KCND2: variants seen among roughly 807,000 people sequenced by gnomAD.
KCND2 encodes the protein A-type voltage-gated potassium channel KCND2.
In KCND2, 16 loss-of-function variants were observed where a neutral mutation model predicts 54.4. That is an observed-to-expected ratio of 0.29 (90% CI 0.20 to 0.45). The LOEUF (loss-of-function observed/expected upper bound fraction) is 0.45, where lower values mean the gene tolerates loss of function less well. Ranked by LOEUF, KCND2 falls within the 20% of genes least tolerant of loss-of-function variation. The pLI, the probability that KCND2 is intolerant of heterozygous loss-of-function variation, is 1.00. For synonymous variants in KCND2, 317 were observed against 310.7 expected (o/e 1.02, Z -0.21); for missense variants, 486 against 824.2 (o/e 0.59, Z 5.02).
intron 1 of KCND2, among the ~76,000 whole-genome samples, chr7:120,455,643 T>G (rs564717156): frequency 3.3e-5 from 5 of 152,320 alleles, no homozygotes; most frequent in Non-Finnish European, 7.4e-5. Context: ...CATGAAATAC[T>G]ACACAGACAT....
At chr7:120,334,046 T>C (rs181204333) in intron 1 of KCND2, among the ~76,000 whole-genome samples, 66 of 152,330 alleles carry the variant, frequency 4.3e-4, no homozygotes, top group African/African-American at 8.4e-4. Context: ...CTTGAGGTAA[T>C]ACCTTTGTTT....
intron 1 of KCND2, among the ~76,000 whole-genome samples, chr7:120,304,099 G>A (rs963450806): frequency 6.6e-6 from 1 of 152,094 alleles, no homozygotes; most frequent in African/African-American, 2.4e-5. Context: ...CTGTTAGTAT[G>A]GTAGGATAAG....
intron 1 of KCND2, among the ~76,000 whole-genome samples, chr7:120,594,359 C>T (rs1792707963): frequency 6.6e-6 from 1 of 151,418 alleles, no homozygotes; most frequent in Non-Finnish European, 1.5e-5. Context: ...GTGGCTTAAG[C>T]AACAAGCATT....
At chr7:120,372,473 C>CTT (rs1800778462) in intron 1 of KCND2, among the ~76,000 whole-genome samples, 1 of 7,170 alleles carries the variant, frequency 1.4e-4, no homozygotes, top group African/African-American at 1.5e-4. Context: ...ATTTTATTTA[C>CTT]TCTGCAAATA....
intron 2 of KCND2, among the ~76,000 whole-genome samples, chr7:120,740,370 T>C (rs1231370617): frequency 6.6e-6 from 1 of 152,172 alleles, no homozygotes; most frequent in East Asian, 1.9e-4. Flanking sequence ...TTCCAGGACT[T>C]GAGACTAAAG....
intron 1 of KCND2, among the ~76,000 whole-genome samples, chr7:120,595,942 G>C (rs140253792): frequency 2.0e-5 from 3 of 151,998 alleles, no homozygotes; most frequent in Non-Finnish European, 4.4e-5. Flanking sequence ...AGGGGAAATG[G>C]GGGAAGGGAT....
chr7:120,356,809 T>C (rs529957238), intron 1 of KCND2, among the ~76,000 whole-genome samples: 1 of 152,280 alleles, frequency 6.6e-6, no homozygotes, highest in Non-Finnish European at 1.5e-5. Context: ...TTATTATTTT[T>C]CTTTTACCAT....
At chr7:120,535,868 ATAATGCTAGATTGTTT>A in intron 1 of KCND2, among the ~76,000 whole-genome samples, 1 of 152,158 alleles carries the variant, frequency 6.6e-6, no homozygotes, top group East Asian at 1.9e-4. Context: ...TGCATAGTCC[ATAATGCTAGATTGTTT>A]TCGTGTGTGT....
chr7:120,693,405 C>T (rs745901165), intron 1 of KCND2, among the ~76,000 whole-genome samples: 70 of 152,230 alleles, frequency 4.6e-4, no homozygotes, highest in Non-Finnish European at 9.1e-4. Context: ...GGACAGTGAT[C>T]GTTCTCCCTC....
At chr7:120,395,351 A>G (rs1347822147) in intron 1 of KCND2, among the ~76,000 whole-genome samples, 1 of 152,036 alleles carries the variant, frequency 6.6e-6, no homozygotes, top group Non-Finnish European at 1.5e-5. Context: ...TTTTATTCCT[A>G]TTTCATTTTC....
At chr7:120,693,368 C>T (rs1406553735) in intron 1 of KCND2, among the ~76,000 whole-genome samples, 2 of 152,160 alleles carry the variant, frequency 1.3e-5, no homozygotes, top group East Asian at 3.8e-4. Context: ...TAATGTTTGT[C>T]TGTCTTATTA....
At chr7:120,670,502 GC>G (rs1457476585) in intron 1 of KCND2, among the ~76,000 whole-genome samples, 2 of 152,028 alleles carry the variant, frequency 1.3e-5, no homozygotes, top group Non-Finnish European at 2.9e-5. Context: ...CATTCCTGCT[GC>G]TGTCCAGAGC....
At chr7:120,533,061 A>G (rs1367545050) in intron 1 of KCND2, among the ~76,000 whole-genome samples, 1 of 152,082 alleles carries the variant, frequency 6.6e-6, no homozygotes, top group African/African-American at 2.4e-5. Context: ...GTATTATTTA[A>G]CATCAGCAAA....
intron 1 of KCND2, among the ~76,000 whole-genome samples, chr7:120,513,692 T>C (rs968165578): frequency 1.3e-5 from 2 of 152,100 alleles, no homozygotes; most frequent in Admixed American, 6.6e-5. Flanking sequence ...CGTTTTTTGT[T>C]TGTTTTTTAC....
intron 1 of KCND2, among the ~76,000 whole-genome samples, chr7:120,467,911 G>A (rs536934424): frequency 2.6e-5 from 4 of 151,994 alleles, no homozygotes; most frequent in African/African-American, 7.2e-5. Context: ...ATCCATAAAG[G>A]TACTTCTGTA....
chr7:120,706,134 G>A (rs766146601), intron 1 of KCND2, among the ~76,000 whole-genome samples: 1 of 152,000 alleles, frequency 6.6e-6, no homozygotes, highest in African/African-American at 2.4e-5. Flanking sequence ...CAGTACAAAA[G>A]GTCACACAAA....
chr7:120,697,211 T>A (rs1305445229), intron 1 of KCND2, among the ~76,000 whole-genome samples: 1 of 152,186 alleles, frequency 6.6e-6, no homozygotes, highest in Non-Finnish European at 1.5e-5. Flanking sequence ...GGTAAAGAAA[T>A]CAGAGGATAA....
intron 1 of KCND2, among the ~76,000 whole-genome samples, chr7:120,310,866 T>C (rs904537927): frequency 6.6e-6 from 1 of 150,726 alleles, no homozygotes; most frequent in Non-Finnish European, 1.5e-5. Context: ...TACCTGGGAG[T>C]TGGAGGTTGC....
At chr7:120,315,507 A>G (rs1046822004) in intron 1 of KCND2, among the ~76,000 whole-genome samples, 15 of 152,104 alleles carry the variant, frequency 9.9e-5, no homozygotes, top group African/African-American at 3.6e-4. Context: ...TGACACCTAC[A>G]TTGTATACTT....
Sources: gnomAD v4.1 joint callset for allele counts (sites outside exome capture counted in the v4.1 genomes callset) on GRCh38, gnomAD v4.1.1 for gene constraint, MANE v1.5 for transcripts, NCBI Gene and HGNC (gene_info 2026-07-23, HGNC 2026-07-21) for gene names.